MYO15B: variants seen among roughly 807,000 people sequenced by gnomAD.
The protein encoded by MYO15B is myosin XVB pseudogene.
MYO15B carries 207 observed loss-of-function variants against 119.3 expected under a neutral mutation model. That is an observed-to-expected ratio of 1.73 (90% CI 1.55 to 1.95). The LOEUF is 1.95. MYO15B is among the 30% of genes most tolerant of loss of function. The pLI, the probability that MYO15B is intolerant of heterozygous loss-of-function variation, is 0.00. For missense variants in MYO15B, 2,264 were observed against 1,203.1 expected, an observed-to-expected ratio of 1.88 and a Z score of -13.04; for synonymous variants, 966 against 498.9, an observed-to-expected ratio of 1.94 and a Z score of -12.48.
chr17:75,606,051 T>G, intron 21 of MYO15B, 30 bp downstream of exon 21: 1 of 660,130 alleles, frequency 1.5e-6, no homozygotes, highest in Non-Finnish European at 2.8e-6. Context: ...AGGGCTGAAG[T>G]GGGTGGGGTG....
chr17:75,616,972 C>A lies in MYO15B; in HGVS notation c.6594+11C>A. The A allele has an allele frequency of 1.4e-6, 1 of 702,948 alleles. No individual in the cohort carries two copies. Among genetic ancestry groups the A allele is most frequent in the Non-Finnish European group, 2.6e-6 (1 of 385,004 alleles). The allele number at this position is 702,948 out of a possible 1,614,324, so 43.5% of individuals were successfully genotyped here. On this transcript the variant is annotated intron_variant, in intron 40 of 63. Coordinates refer to ENST00000645453, the Ensembl canonical transcript of MYO15B. ...CACTCGTCCCCGCCGGTGAGCACCC[C>A]AGCCTGTCTCCCCCAGAGTGTGTGC...
At chr17:75,617,466 C>A in intron 41 of MYO15B, 162 bp downstream of exon 41, 1 of 555,080 alleles carries the variant, frequency 1.8e-6, no homozygotes, top group South Asian at 2.4e-5. Context: ...GTCCCAGCTT[C>A]CGCGTTCCCA....
chr17:75,589,576 C>T lies in MYO15B; in HGVS notation c.1519C>T (p.Leu507=). 5.0e-6 allele frequency: 2 copies of T among 398,870 alleles called. No homozygotes were observed. Among genetic ancestry groups the T allele is most frequent in the Non-Finnish European group, 8.8e-6 (2 of 226,176 alleles). 24.7% of individuals were successfully genotyped at this position (398,870 alleles called of 1,614,324 possible). The change falls in exon 1 of 64, where the codon CTG becomes TTG. Residue 507 remains leucine, a synonymous_variant. Transcript: ENST00000645453. This position sits in a 1 kb window ranked among gnomAD's most constrained non-coding sequence, Gnocchi z 4.2. ...GTTGCGCCTGGCTGGCTTAGCAGGGCTGGGGGGTATGCCGAGGGCTTCCCC... is the reference window on the plus strand; with the variant it reads ...GTTGCGCCTGGCTGGCTTAGCAGGGTTGGGGGGTATGCCGAGGGCTTCCCC...
At chr17:75,590,467 C>T (rs183131280) in intron 1 of MYO15B, 159 bp from the exon 2 acceptor site, 53 of 395,012 alleles carry the variant, frequency 1.3e-4, no homozygotes, top group Non-Finnish European at 2.0e-4. Context: ...GCCAGCCCTC[C>T]TTGTAGCCTG....
chr17:75,598,183 G>A (rs9912004), intron 14 of MYO15B, among the ~76,000 whole-genome samples: 14,400 of 150,938 alleles, frequency 0.095, 799 homozygotes, highest in African/African-American at 0.15. Flanking sequence ...CAGGAGAATC[G>A]CTTGAACCCA....
rs755118122 is a variant in MYO15B, at chr17:75,615,931, T to TGCAGGG, written c.6030+55_6030+60dup. 2.6e-4 allele frequency: 162 copies of TGCAGGG among 625,682 alleles called. 1 individual carries two copies. In the African/African-American group the frequency reaches 2.9e-3, roughly 11 times the overall value. 38.8% of individuals were successfully genotyped at this position (625,682 alleles called of 1,614,324 possible). Reference sequence around the variant, plus strand: ...CAGGAAGGGATGTGAGGGTGGGGACTGCAGGGGCAGGGGACATGGGCAGGG... The same window carrying TGCAGGG: ...CAGGAAGGGATGTGAGGGTGGGGACTGCAGGGGCAGGGGCAGGGGACATGGGCAGGG... On this transcript the variant is annotated intron_variant, in intron 36 of 63. Coordinates refer to ENST00000645453, the Ensembl canonical transcript of MYO15B.
intron 15 of MYO15B, chr17:75,602,236 G>A (rs1022397656): frequency 1.1e-4 from 58 of 540,746 alleles, no homozygotes; most frequent in East Asian, 2.0e-4. Flanking sequence ...TTAATATGGA[G>A]AGACAGACAA....
Position 75,616,472 on chromosome 17 carries a change from G to A in MYO15B, c.6244+26G>A, listed in dbSNP as rs1598882083. On this transcript the variant is annotated intron_variant, in intron 38 of 63. Coordinates refer to ENST00000645453, the Ensembl canonical transcript of MYO15B. ...GTTGTGGGGAGCTGGGCAGGGCCTG[G>A]GGCTCCGGTGGCTCTGCACGCGGTT... 1.6e-5 allele frequency: 11 copies of A among 668,536 alleles called. No individual in the cohort carries two copies. The South Asian group carries it at 1.8e-4, about 11-fold the overall frequency. The allele number at this position is 668,536 out of a possible 1,614,324, so 41.4% of individuals were successfully genotyped here. A position where few individuals can be genotyped will look rare whatever the true frequency, so the allele number is the denominator to read the frequency against.
At chr17:75,616,563 T>C (rs1194766522) in exon 39 of MYO15B, 3 of 702,942 alleles carry the variant, frequency 4.3e-6, no homozygotes, top group Non-Finnish European at 7.8e-6. Context: ...AAGAAGCCAT[T>C]GAAGCAAGGT....
At chr17:75,613,579 C>G (rs2058165122) in intron 28 of MYO15B, 108 bp downstream of exon 28, 1 of 647,152 alleles carries the variant, frequency 1.5e-6, no homozygotes, top group Admixed American at 2.5e-5. Context: ...CTGCCCTGTC[C>G]TCAGTGACCC....
intron 29 of MYO15B, 71 bp downstream of exon 29, chr17:75,613,848 G>A: frequency 1.6e-6 from 1 of 634,788 alleles, no homozygotes; most frequent in Non-Finnish European, 2.9e-6. Flanking sequence ...CCTTCTCCAA[G>A]CCCAGTCTCA....
exon 42 of MYO15B, chr17:75,617,824 G>A (rs1432395003): frequency 1.0e-5 from 7 of 702,466 alleles, no homozygotes; most frequent in East Asian, 5.4e-5. Flanking sequence ...GACACAGCCC[G>A]TGGAGGACCA....
At chr17:75,608,726 TTTGTTG>T (rs141390322) in intron 21 of MYO15B, among the ~76,000 whole-genome samples, 1 of 151,594 alleles carries the variant, frequency 6.6e-6, no homozygotes, top group South Asian at 2.1e-4. Flanking sequence ...CCCGGCTAAT[TTTGTTG>T]TTGTTGTTGT....
chr17:75,601,590 G>A (rs2057289945), intron 15 of MYO15B, 27 bp downstream of exon 15: 1 of 700,024 alleles, frequency 1.4e-6, no homozygotes, highest in African/African-American at 1.7e-5. Flanking sequence ...ACAGACCAGG[G>A]TGAATCAGCG....
chr17:75,613,742 C>T (rs1054148070), exon 29 of MYO15B: 16 of 702,376 alleles, frequency 2.3e-5, no homozygotes, highest in East Asian at 1.6e-4. Context: ...CTTGGACCAC[C>T]GGGGAGCAGC....
chr17:75,588,964 C>G (rs1409318903), exon 1 of MYO15B: 1 of 398,080 alleles, frequency 2.5e-6, no homozygotes, highest in Non-Finnish European at 4.4e-6. Flanking sequence ...TCCGCGCCAC[C>G]AGGTCGGAAA....
intron 34 of MYO15B, 58 bp from the exon 35 acceptor site, chr17:75,615,445 A>C (rs2058308355): frequency 1.5e-6 from 1 of 673,838 alleles, no homozygotes; most frequent in East Asian, 2.7e-5. Context: ...CACAGTGGGC[A>C]GCGAGCTTCA....
exon 57 of MYO15B, chr17:75,624,398 T>C: frequency 1.4e-6 from 1 of 702,516 alleles, no homozygotes. Context: ...CTGCTTCTTA[T>C]TCACCTGCCG....
intron 61 of MYO15B, 69 bp from the exon 62 acceptor site, chr17:75,625,775 G>A (rs2059011908): frequency 2.9e-6 from 2 of 701,218 alleles, no homozygotes; most frequent in Non-Finnish European, 2.6e-6. Context: ...GCTGACCTGG[G>A]GGACCAAGCA....
Sources: allele counts gnomAD v4.1 joint callset (sites outside exome capture counted in the v4.1 genomes callset), GRCh38; gene constraint gnomAD v4.1.1; non-coding constraint Gnocchi (gnomAD v3.1); transcripts MANE v1.5; gene names NCBI Gene and HGNC (gene_info 2026-07-23, HGNC 2026-07-21).